The following METTL2B variants were observed in gnomAD, a reference collection of about 807,000 sequenced individuals.
The protein encoded by METTL2B is tRNA N(3)-cytidine methyltransferase METTL2B.
Under a neutral mutation model 51.0 loss-of-function variants are expected in METTL2B, and 28 were observed. The observed-to-expected ratio is 0.55, with a 90% CI of 0.41 to 0.75. The LOEUF is 0.75. Ranked by LOEUF, METTL2B falls within the 30% of genes least tolerant of loss-of-function variation. METTL2B has a pLI of 0.00. For synonymous variants in METTL2B, 128 were observed against 166.3 expected, an observed-to-expected ratio of 0.77 and a Z score of 1.77; for missense variants, 313 against 460.7, an observed-to-expected ratio of 0.68 and a Z score of 2.93.
chr7:128,496,964 G>T (rs766907083), intron 6 of METTL2B, among the ~76,000 whole-genome samples: 3 of 152,068 alleles, frequency 2.0e-5, no homozygotes, highest in Non-Finnish European at 4.4e-5. Flanking sequence ...TGTATTTTTA[G>T]TAGAGACAGG....
chr7:128,496,355 G>A (rs1220441630), intron 6 of METTL2B, among the ~76,000 whole-genome samples: 1 of 152,042 alleles, frequency 6.6e-6, no homozygotes, highest in Non-Finnish European at 1.5e-5. Context: ...GACCAGCTTG[G>A]GCAACAAAGC....
Position 128,484,232 on chromosome 7 carries a change from T to TTTTGTTTTTTG in METTL2B, c.608+3539_608+3540insGTTTTTTGTTT, listed in dbSNP as rs1554428846. The TTTTGTTTTTTG allele has an allele frequency of 4.8e-5, 4 of 83,558 alleles. No individual in the cohort carries two copies. In the South Asian group the frequency reaches 1.3e-3, roughly 28 times the overall value. 5.2% of individuals were successfully genotyped at this position (83,558 alleles called of 1,614,324 possible). ...TGCCTAGATCCTTTTTTTTTTTTTT[T>TTTTGTTTTTTG]TTTTTTTTTTTTTGAGACAGGATTT... On this transcript the variant is annotated intron_variant, in intron 4 of 8. Coordinates refer to ENST00000262432, the MANE Select transcript of METTL2B (RefSeq NM_018396.3).
At chr7:128,477,252 G>A (rs909404700) in intron 2 of METTL2B, 79 bp downstream of exon 2, 9 of 1,577,792 alleles carry the variant, frequency 5.7e-6, no homozygotes, top group Non-Finnish European at 6.9e-6. Flanking sequence ...CCAGGGAACC[G>A]CGGCCGCCCA....
chr7:128,482,472 G>A (rs1402712073), intron 4 of METTL2B, among the ~76,000 whole-genome samples: 1 of 151,826 alleles, frequency 6.6e-6, no homozygotes, highest in African/African-American at 2.4e-5. Context: ...AAATTCTTAA[G>A]GTTTTTGGAA....
intron 3 of METTL2B, among the ~76,000 whole-genome samples, chr7:128,480,038 C>T (rs1303925245): frequency 6.6e-6 from 1 of 152,124 alleles, no homozygotes; most frequent in African/African-American, 2.4e-5. Flanking sequence ...GGACTGCGCA[C>T]GTTACTGGAA....
In METTL2B at chr7:128,477,144, G is replaced by A. The variant is rs761304206; in HGVS notation, c.173G>A (p.Ser58Asn). 1.9e-6 allele frequency: 3 copies of A among 1,613,950 alleles called. No homozygotes were observed. Among genetic ancestry groups the A allele is most frequent in the Non-Finnish European group, 2.5e-6 (3 of 1,179,948 alleles). Reference protein sequence around the residue: ...AAAERKVQENSIQRVCQEKQV... With the variant: ...AAAERKVQENNIQRVCQEKQV... ...GCGGAGAGAAAAGTCCAGGAGAACA[G>A]TATCCAGCGGGTGTGCCAGGAGAAA... The change falls in exon 2 of 9, where the codon AGT becomes AAT. Residue 58 changes from serine to asparagine, a missense_variant. Ser to Asn is a conservative substitution (Grantham distance 46). This residue lies in a region of METTL2B where 67 missense variants were observed against 101.4 expected (regional missense o/e 0.66). Transcript: ENST00000262432.
chr7:128,484,462 T>C (rs1212195272), intron 4 of METTL2B, among the ~76,000 whole-genome samples: 1 of 151,910 alleles, frequency 6.6e-6, no homozygotes, highest in African/African-American at 2.4e-5. Flanking sequence ...TTTTTTAATG[T>C]ATCTGATAAA....
At chr7:128,498,452 C>T (rs1241288752) in intron 7 of METTL2B, among the ~76,000 whole-genome samples, 1 of 151,256 alleles carries the variant, frequency 6.6e-6, no homozygotes, top group Non-Finnish European at 1.5e-5. Flanking sequence ...TGTATCAAAC[C>T]TGTATGTTCT....
intron 5 of METTL2B, among the ~76,000 whole-genome samples, chr7:128,490,080 C>T (rs1194827896): frequency 6.6e-6 from 1 of 152,164 alleles, no homozygotes; most frequent in Non-Finnish European, 1.5e-5. Context: ...AACCCTGCTG[C>T]TGCTTTATCA....
At chr7:128,496,252 T>G (rs1324594371) in intron 6 of METTL2B, among the ~76,000 whole-genome samples, 1 of 152,084 alleles carries the variant, frequency 6.6e-6, no homozygotes, top group Non-Finnish European at 1.5e-5. Flanking sequence ...ACTTTAATAA[T>G]TGCAGAGGTT....
rs1793101607 is a variant in METTL2B, at chr7:128,504,993, A to G, written c.*3077A>G. On this transcript the variant is annotated 3_prime_UTR_variant, in exon 9 of 9. Transcript: ENST00000262432. Reference sequence around the variant, plus strand: ...ATGCCTGTAACCCCATCTACTTGGAAGGCTGAGGCAGGAGAATCACTTGAA... The same window carrying G: ...ATGCCTGTAACCCCATCTACTTGGAGGGCTGAGGCAGGAGAATCACTTGAA... 6.6e-6 allele frequency: 1 copy of G among 151,992 alleles called. No homozygotes were observed. Among genetic ancestry groups the G allele is most frequent in the African/African-American group, 2.4e-5 (1 of 41,328 alleles). The allele number at this position is 151,992 out of a possible 1,614,324, so 9.4% of individuals were successfully genotyped here.
In METTL2B at chr7:128,501,026, C is replaced by A. The variant is rs1793018937; in HGVS notation, c.982+58C>A. 2.5e-6 allele frequency: 4 copies of A among 1,609,202 alleles called. No individual in the cohort carries two copies. In the East Asian group the frequency reaches 8.9e-5, roughly 36 times the overall value. ...CCCCAGTACCAGATGGTCTTCAAGG[C>A]ACATTCAGAAGGAAAACTATCTGGC... On this transcript the variant is annotated intron_variant, in intron 8 of 8. Coordinates refer to ENST00000262432, the MANE Select transcript of METTL2B (RefSeq NM_018396.3).
intron 6 of METTL2B, 47 bp downstream of exon 6, chr7:128,493,990 G>A: frequency 1.9e-6 from 3 of 1,587,304 alleles, no homozygotes; most frequent in South Asian, 2.3e-5. Flanking sequence ...AGAAAGCTTT[G>A]GTGAGGGACC....
chr7:128,499,242 G>T (rs1420921653), intron 7 of METTL2B, among the ~76,000 whole-genome samples: 1 of 152,212 alleles, frequency 6.6e-6, no homozygotes, highest in Non-Finnish European at 1.5e-5. Context: ...TATCTAAATG[G>T]CCAGTAAACA....
chr7:128,482,246 C>T (rs1584789609), intron 4 of METTL2B, among the ~76,000 whole-genome samples: 1 of 152,092 alleles, frequency 6.6e-6, no homozygotes, highest in Non-Finnish European at 1.5e-5. Context: ...CTCCGCCTTC[C>T]GGGTTCAAGT....
At chr7:128,478,049 G>A (rs1230952937) in intron 2 of METTL2B, 1 of 384,254 alleles carries the variant, frequency 2.6e-6, no homozygotes, top group Non-Finnish European at 5.4e-6. Flanking sequence ...AGGGAGTCTT[G>A]GTTGATTCAG....
intron 6 of METTL2B, among the ~76,000 whole-genome samples, chr7:128,496,925 T>G (rs1792933323): frequency 1.3e-5 from 2 of 152,040 alleles, no homozygotes; most frequent in African/African-American, 4.8e-5. Flanking sequence ...GGATTACAGG[T>G]GCCTGCCACC....
chr7:128,499,624 T>G (rs1418421049), intron 7 of METTL2B, among the ~76,000 whole-genome samples: 3 of 147,746 alleles, frequency 2.0e-5, no homozygotes, highest in Non-Finnish European at 4.4e-5. Flanking sequence ...GTTCAAGCAA[T>G]TCTCCTGCCT....
intron 4 of METTL2B, among the ~76,000 whole-genome samples, chr7:128,486,445 C>A (rs1371018372): frequency 1.3e-5 from 2 of 151,870 alleles, no homozygotes; most frequent in Non-Finnish European, 2.9e-5. Flanking sequence ...CCTAAAAATA[C>A]AAAAATTAAC....
Sources: gnomAD v4.1 joint callset for allele counts (sites outside exome capture counted in the v4.1 genomes callset) on GRCh38, gnomAD v4.1.1 for gene constraint, gnomAD v4.1.1 regional missense constraint, MANE v1.5 for transcripts, NCBI Gene and HGNC (gene_info 2026-07-23, HGNC 2026-07-21) for gene names.